The following ATP6V0A4 variants were observed in gnomAD, a reference collection of about 807,000 sequenced individuals.
ATP6V0A4 encodes the protein ATPase H+ transporting V0 subunit a4, also known as V-type proton ATPase 116 kDa subunit a 4.
A neutral mutation model predicts 107.3 loss-of-function variants in ATP6V0A4; 86 were observed. The observed-to-expected ratio is 0.80, with a 90% CI of 0.67 to 0.96. ATP6V0A4 has a LOEUF of 0.96. ATP6V0A4 is among the 40% of genes least tolerant of loss of function. The pLI, the probability that ATP6V0A4 is intolerant of heterozygous loss-of-function variation, is 0.00. For missense variants in ATP6V0A4, 908 were observed against 1,045.6 expected, an observed-to-expected ratio of 0.87 and a Z score of 1.81; for synonymous variants, 353 against 381.4, an observed-to-expected ratio of 0.93 and a Z score of 0.87.
intron 15 of ATP6V0A4, among the ~76,000 whole-genome samples, chr7:138,738,769 T>C (rs952381334): frequency 2.0e-5 from 3 of 152,158 alleles, no homozygotes; most frequent in African/African-American, 7.2e-5. Flanking sequence ...TTAGGGCTAG[T>C]ACTATTTACT....
In ATP6V0A4 at chr7:138,733,094, C is replaced by T. The variant is rs1439568745; in HGVS notation, c.1692-1G>A. On this transcript the variant is annotated splice_acceptor_variant, in intron 16 of 21. Transcript: ENST00000310018. LOFTEE classifies it high-confidence loss of function. ...GATGTTGAGAGTTCTTCTGAAGTAT[C>T]TGGGGGTGGAAGACACACACATACA... 1 of 1,613,938 alleles carries T rather than the reference C, an allele frequency of 6.2e-7. No individual in the cohort carries two copies. The highest frequency in any genetic ancestry group is 8.5e-7 in the Non-Finnish European group (1 of 1,179,944).
intron 7 of ATP6V0A4, among the ~76,000 whole-genome samples, chr7:138,761,430 C>T (rs1326507004): frequency 1.3e-5 from 2 of 151,938 alleles, no homozygotes; most frequent in African/African-American, 4.8e-5. Context: ...GTCAGGAGAT[C>T]GAGACCATCC....
At chr7:138,709,944 CCTG>C in intron 20 of ATP6V0A4, 149 bp from the exon 21 acceptor site, 1 of 870,482 alleles carries the variant, frequency 1.1e-6, no homozygotes, top group East Asian at 4.4e-5. Flanking sequence ...CAACTCCTGG[CCTG>C]AAGCAATCCT....
chr7:138,797,766 T>C (rs1808753998), intron 1 of ATP6V0A4, among the ~76,000 whole-genome samples: 1 of 152,080 alleles, frequency 6.6e-6, no homozygotes, highest in African/African-American at 2.4e-5. Flanking sequence ...AGCAAACTCA[T>C]GTCCCAGGAA....
rs370517653 is a variant in ATP6V0A4 at position 138,728,880 on chromosome 7, C to A, written c.1909-18G>T. 6.2e-7 allele frequency: 1 copy of A among 1,613,800 alleles called. No homozygotes were observed. The highest frequency in any genetic ancestry group is 8.5e-7 in the Non-Finnish European group (1 of 1,180,028). On this transcript the variant is annotated intron_variant, in intron 17 of 21. Coordinates refer to ENST00000310018, the MANE Select transcript of ATP6V0A4 (RefSeq NM_020632.3). ...ACTTCTTGCTGCAAGACCAAAATGG[C>A]GAGATCTCATCATTTTCACATGGCA...
chr7:138,797,042 T>C (rs1353414035), intron 1 of ATP6V0A4, among the ~76,000 whole-genome samples: 2 of 152,062 alleles, frequency 1.3e-5, no homozygotes, highest in African/African-American at 4.8e-5. Context: ...CCACCTCACA[T>C]GCCTTGGCTC....
chr7:138,715,938 T>C (rs1804013549), intron 19 of ATP6V0A4, 57 bp from the exon 20 acceptor site: 5 of 1,600,118 alleles, frequency 3.1e-6, no homozygotes, highest in Non-Finnish European at 4.3e-6. Flanking sequence ...CAAAAGTTAT[T>C]CCAAATGATG....
intron 20 of ATP6V0A4, among the ~76,000 whole-genome samples, chr7:138,711,136 T>C (rs776706127): frequency 3.3e-5 from 5 of 151,460 alleles, no homozygotes; most frequent in Non-Finnish European, 7.4e-5. Flanking sequence ...CCCCCAGCTC[T>C]AAAGGTCTTT....
chr7:138,755,082 C>A (rs115745711), intron 10 of ATP6V0A4, among the ~76,000 whole-genome samples: 1 of 152,184 alleles, frequency 6.6e-6, no homozygotes, highest in Non-Finnish European at 1.5e-5. Context: ...AAAGTTCTAT[C>A]GAACTCTAGC....
Position 138,756,831 on chromosome 7 carries a change from T to C in ATP6V0A4, c.640-291A>G, listed in dbSNP as rs941799494. 2.6e-5 allele frequency among the ~76,000 whole-genome samples: 4 copies of C among 152,106 alleles called. No homozygotes were observed. In the South Asian group the frequency reaches 6.2e-4, roughly 24 times the overall value. On this transcript the variant is annotated intron_variant, in intron 8 of 21. Transcript: ENST00000310018. The stretch of plus-strand genomic sequence containing the variant: ...CTCTAAGCCCCACATTTAAGAGATA[T>C]GATAATAAACAAGAAACCATTCAGA...
chr7:138,729,069 C>T (rs1462279518), intron 17 of ATP6V0A4: 18 of 613,490 alleles, frequency 2.9e-5, no homozygotes, highest in South Asian at 7.2e-5. Flanking sequence ...ATGTTCGACA[C>T]GGGGTAGACA....
At chr7:138,789,222 G>T (rs7781108) in intron 1 of ATP6V0A4, among the ~76,000 whole-genome samples, 86,242 of 150,258 alleles carry the variant, frequency 0.57, 24,946 homozygotes, top group African/African-American at 0.63. Flanking sequence ...TTTTTGGGGG[G>T]TTTTTTTTTG....
chr7:138,752,482 T>G, intron 11 of ATP6V0A4, 143 bp downstream of exon 11: 1 of 1,039,818 alleles, frequency 9.6e-7, no homozygotes. Context: ...CGAGTGGGGT[T>G]GATAACTGAA....
At chr7:138,792,773 TTTTTGTTGTTTTG>T (rs765868948) in intron 1 of ATP6V0A4, among the ~76,000 whole-genome samples, 9,222 of 58,722 alleles carry the variant, frequency 0.16, 753 homozygotes, top group African/African-American at 0.3. Flanking sequence ...TTTGTTTTTT[TTTTTGTTGTTTTG>T]TTTTTTTTTT....
At chr7:138,751,012 C>T (rs893133088) in intron 11 of ATP6V0A4, among the ~76,000 whole-genome samples, 2 of 152,062 alleles carry the variant, frequency 1.3e-5, no homozygotes, top group African/African-American at 4.8e-5. Context: ...CCCTTCCTCC[C>T]GCCCCCAACC....
chr7:138,739,442 G>A, intron 15 of ATP6V0A4, 98 bp downstream of exon 15: 1 of 1,427,108 alleles, frequency 7.0e-7, no homozygotes, highest in South Asian at 1.2e-5. Flanking sequence ...ACACAAGTTT[G>A]TTGATTTGAC....
intron 21 of ATP6V0A4, among the ~76,000 whole-genome samples, chr7:138,707,168 A>ATATATATTATATAATATAT (rs1803429655): frequency 3.1e-5 from 2 of 65,524 alleles, no homozygotes; most frequent in African/African-American, 1.3e-4. Flanking sequence ...ATAATATATT[A>ATATATATTATATAATATAT]TATATATTAT....
chr7:138,792,076 AGGT>A (rs1410643350), intron 1 of ATP6V0A4, among the ~76,000 whole-genome samples: 1 of 152,192 alleles, frequency 6.6e-6, no homozygotes, highest in Non-Finnish European at 1.5e-5. Flanking sequence ...TGGGAGGCCG[AGGT>A]GGGCAGATCA....
chr7:138,721,975 A>G lies in ATP6V0A4; in HGVS notation c.2061T>C (p.Asp687=), dbSNP rs755447969. The G allele has an allele frequency of 1.9e-6, 3 of 1,614,154 alleles. No homozygotes were observed. The highest frequency in any genetic ancestry group is 2.2e-5 in the South Asian group (2 of 91,080). The change falls in exon 19 of 22, where the codon GAT becomes GAC. Residue 687 remains aspartate (D), a synonymous_variant. Transcript: ENST00000310018. ...CAGAACGGCTAGAAGGGCTGGAGCT[A>G]TCACCTTCAATGTTCTCAGTGGCAT... ...QEDATENIEG[D]SSSPSSRSGQ...
Sources: gnomAD v4.1 joint callset for allele counts (sites outside exome capture counted in the v4.1 genomes callset) on GRCh38, gnomAD v4.1.1 for gene constraint, MANE v1.5 for transcripts, NCBI Gene and HGNC (gene_info 2026-07-23, HGNC 2026-07-21) for gene names.